CNOT9: variants seen among roughly 807,000 people sequenced by gnomAD.
CNOT9 encodes CCR4-NOT transcription complex subunit 9, also known as RCD1 required for cell differentiation1 homolog.
Under a neutral mutation model 37.4 loss-of-function variants are expected in CNOT9, and 8 were observed. The ratio of observed to expected loss-of-function variants is 0.21; its 90% confidence interval spans 0.13 to 0.39. The LOEUF is 0.39. Ranked by LOEUF, CNOT9 falls within the 10% of genes least tolerant of loss-of-function variation. CNOT9 has a pLI of 1.00. For missense variants in CNOT9, 154 were observed against 365.3 expected (o/e 0.42, Z 4.71); for synonymous variants, 120 against 137.6 (o/e 0.87, Z 0.90).
chr2:218,587,444 G>T, intron 4 of CNOT9, 142 bp from the exon 5 acceptor site: 1 of 1,274,660 alleles, frequency 7.8e-7, no homozygotes, highest in Non-Finnish European at 1.0e-6. Context: ...TTTTTAATAC[G>T]AGTGTGAATC....
Position 218,592,613 on chromosome 2 carries a change from C to T in CNOT9, c.640-3C>T. ...ACCCCTCCCCTTATTTTGGGGGAAA[C>T]AGGGTAAGATGGTCCTGCAGCTATC... On this transcript the variant is annotated splice_region_variant and splice_polypyrimidine_tract_variant and intron_variant, in intron 6 of 7. Coordinates refer to ENST00000273064, the MANE Select transcript of CNOT9 (RefSeq NM_005444.3). The surrounding 1 kb of genome is among the most constrained non-coding windows in gnomAD (Gnocchi z 4.1). 6.2e-7 allele frequency: 1 copy of T among 1,613,960 alleles called. No homozygotes were observed. The highest frequency in any genetic ancestry group is 8.5e-7 in the Non-Finnish European group (1 of 1,179,852).
At chr2:218,593,419 A>AAT (rs1181909048) in intron 7 of CNOT9, 14 of 612,890 alleles carry the variant, frequency 2.3e-5, no homozygotes, top group Non-Finnish European at 5.1e-6. Context: ...TAAAGTTTAA[A>AAT]AATGTGTTTA....
chr2:218,589,252 C>T (rs1054694470), intron 5 of CNOT9: 8 of 152,144 alleles, frequency 5.3e-5, no homozygotes, highest in South Asian at 2.1e-4. Flanking sequence ...GTATTATCTT[C>T]GCACAGGGGC....
chr2:218,577,583 G>A (rs1210165062), intron 1 of CNOT9, among the ~76,000 whole-genome samples: 2 of 152,216 alleles, frequency 1.3e-5, no homozygotes, highest in South Asian at 4.1e-4. Context: ...GCCTTTCAGA[G>A]TGCCTACACC....
intron 1 of CNOT9, among the ~76,000 whole-genome samples, chr2:218,575,284 A>G (rs994248535): frequency 5.3e-5 from 8 of 152,094 alleles, no homozygotes; most frequent in Non-Finnish European, 7.4e-5. Context: ...ACATTGCAGG[A>G]ACTCTGTGAA....
Position 218,582,995 on chromosome 2 carries a change from A to G in CNOT9, c.229A>G (p.Ile77Val), listed in dbSNP as rs1008307604. The G allele has an allele frequency of 1.1e-5, 17 of 1,611,806 alleles. No individual in the cohort carries two copies. The Admixed American group carries it at 1.8e-4, about 17-fold the overall frequency. ...GGAAATTGTAAATATTTATCCATCT[A>G]TCAACCCACCCACCTTGACAGCACA... Reference protein sequence around the residue: ...LQEIVNIYPSINPPTLTAHQS... With the variant: ...LQEIVNIYPSVNPPTLTAHQS... The change falls in exon 3 of 8, where the codon ATC (isoleucine) becomes GTC (valine). Residue 77 changes from isoleucine (I) to valine (V), a missense_variant. By Grantham distance (29) the Ile-to-Val change is conservative. This residue lies in a region of CNOT9 where 117 missense variants were observed against 325.4 expected (regional missense o/e 0.36). Coordinates refer to ENST00000273064, the MANE Select transcript of CNOT9 (RefSeq NM_005444.3).
chr2:218,578,013 G>A (rs538660300), intron 1 of CNOT9, among the ~76,000 whole-genome samples: 1 of 152,314 alleles, frequency 6.6e-6, no homozygotes, highest in South Asian at 2.1e-4. Context: ...CTTCAGGTAG[G>A]AATTACATTT....
At chr2:218,590,775 T>C (rs1015903037) in intron 5 of CNOT9, among the ~76,000 whole-genome samples, 6 of 151,008 alleles carry the variant, frequency 4.0e-5, no homozygotes, top group Non-Finnish European at 7.4e-5. Context: ...TCCTTTGTGG[T>C]AAAATCTCTC....
At chr2:218,580,155 G>A (rs772871494) in intron 1 of CNOT9, among the ~76,000 whole-genome samples, 1 of 151,992 alleles carries the variant, frequency 6.6e-6, no homozygotes, top group Non-Finnish European at 1.5e-5. Flanking sequence ...TTTTAGTAGA[G>A]ACGGGGTTTC....
At chr2:218,578,163 A>ATGAT (rs1313419793) in intron 1 of CNOT9, among the ~76,000 whole-genome samples, 3 of 152,368 alleles carry the variant, frequency 2.0e-5, no homozygotes, top group African/African-American at 7.2e-5. Context: ...TTAAGAGCCT[A>ATGAT]TGATTGATTC....
chr2:218,593,708 AATTC>A, intron 7 of CNOT9: 1 of 1,242,814 alleles, frequency 8.0e-7, no homozygotes. Flanking sequence ...ATAGAATTAA[AATTC>A]ATTAAGTTAT....
intron 7 of CNOT9, chr2:218,593,594 A>C (rs1427848589): frequency 6.7e-7 from 1 of 1,482,518 alleles, no homozygotes; most frequent in Admixed American, 2.2e-5. Context: ...AGTTCATCTG[A>C]TAATACTGCT....
At position 218,592,621 on chromosome 2, in the gene CNOT9, G is replaced by A; in HGVS notation, c.645G>A (p.Lys215=). 6.2e-7 allele frequency: 1 copy of A among 1,614,150 alleles called. No individual in the cohort carries two copies. Among genetic ancestry groups the A allele is most frequent in the Non-Finnish European group, 8.5e-7 (1 of 1,179,980 alleles). ...CCTTATTTTGGGGGAAACAGGGTAAGATGGTCCTGCAGCTATCCAAAGAGC... is the reference window on the plus strand; with the variant it reads ...CCTTATTTTGGGGGAAACAGGGTAAAATGGTCCTGCAGCTATCCAAAGAGC... The part of the protein sequence containing the change: ...RFSHVAMILG[K]MVLQLSKEPS... The change falls in exon 7 of 8, where the codon AAG becomes AAA. Residue 215 remains lysine (K), a synonymous_variant. Coordinates refer to ENST00000273064, the MANE Select transcript of CNOT9 (RefSeq NM_005444.3). This position sits in a 1 kb window ranked among gnomAD's most constrained non-coding sequence, Gnocchi z 4.1.
intron 5 of CNOT9, chr2:218,589,222 G>A (rs1694696325): frequency 6.6e-6 from 1 of 151,810 alleles, no homozygotes; most frequent in Non-Finnish European, 1.5e-5. Context: ...ATATATATAT[G>A]GAATGCTTCA....
chr2:218,577,783 T>C (rs549899122), intron 1 of CNOT9, among the ~76,000 whole-genome samples: 35 of 152,316 alleles, frequency 2.3e-4, no homozygotes, highest in Admixed American at 1.8e-3. Context: ...CTGATGGTGG[T>C]ATCTGTATGA....
At chr2:218,580,499 G>A in intron 1 of CNOT9, 62 bp from the exon 2 acceptor site, 1 of 1,392,516 alleles carries the variant, frequency 7.2e-7, no homozygotes, top group Non-Finnish European at 9.7e-7. Context: ...AAACTCTGTT[G>A]CAGGGTAAGA....
In CNOT9 at chr2:218,592,761, T is replaced by C; in HGVS notation, c.731+54T>C. Reference sequence around the variant, plus strand: ...TAGGGAAATACTCTGCTGAACAGTTTCCTAATCTCATGGCATAGCTCCTGT... The same window carrying C: ...TAGGGAAATACTCTGCTGAACAGTTCCCTAATCTCATGGCATAGCTCCTGT... On this transcript the variant is annotated intron_variant, in intron 7 of 7. Coordinates refer to ENST00000273064, the MANE Select transcript of CNOT9 (RefSeq NM_005444.3). The surrounding 1 kb of genome is among the most constrained non-coding windows in gnomAD (Gnocchi z 4.1). 1 of 1,401,720 alleles carries C rather than the reference T, an allele frequency of 7.1e-7. No homozygotes were observed. Among genetic ancestry groups the C allele is most frequent in the Non-Finnish European group, 1.0e-6 (1 of 987,160 alleles). 86.8% of individuals were successfully genotyped at this position (1,401,720 alleles called of 1,614,324 possible).
Position 218,584,615 on chromosome 2 carries a change from A to G in CNOT9, c.324A>G (p.Ser108=). The G allele has an allele frequency of 6.2e-7, 1 of 1,610,800 alleles. No homozygotes were observed. The highest frequency in any genetic ancestry group is 8.5e-7 in the Non-Finnish European group (1 of 1,176,960). ...TGTAATTATTGTTTTCTTCCAGGTC[A>G]GCGTTTCTCGCAGCACACATCCCAC... ...QCVASHPETR[S]AFLAAHIPLF... The change falls in exon 4 of 8, where the codon TCA becomes TCG. Residue 108 remains serine, a synonymous_variant. Coordinates refer to ENST00000273064, the MANE Select transcript of CNOT9 (RefSeq NM_005444.3).
At chr2:218,593,608 A>G in intron 7 of CNOT9, 1 of 1,456,452 alleles carries the variant, frequency 6.9e-7, no homozygotes, top group Non-Finnish European at 9.1e-7. Flanking sequence ...TACTGCTACC[A>G]TAGTTTTGTT....
Sources: allele counts gnomAD v4.1 joint callset (sites outside exome capture counted in the v4.1 genomes callset), GRCh38; gene constraint gnomAD v4.1.1; regional missense constraint gnomAD v4.1.1; non-coding constraint Gnocchi (gnomAD v3.1); transcripts MANE v1.5; gene names NCBI Gene and HGNC (gene_info 2026-07-23, HGNC 2026-07-21).